Variants in FAF1 observed in about 807,000 individuals in gnomAD.
The protein encoded by FAF1 is Fas associated factor 1.
In FAF1, 25 loss-of-function variants were observed where a neutral mutation model predicts 92.5. That is an observed-to-expected ratio of 0.27 (90% CI 0.20 to 0.38). FAF1 has a LOEUF of 0.38. FAF1 is among the 10% of genes least tolerant of loss of function. FAF1 has a pLI of 1.00. For missense variants in FAF1, 636 were observed against 793.3 expected (o/e 0.80, Z 2.38); for synonymous variants, 234 against 273.2 (o/e 0.86, Z 1.42).
Position 50,788,089 on chromosome 1 carries a change from A to C in FAF1, c.278T>G (p.Ile93Ser). 6.2e-7 allele frequency: 1 copy of C among 1,614,148 alleles called. No individual in the cohort carries two copies. The highest frequency in any genetic ancestry group is 1.7e-5 in the Admixed American group (1 of 60,014). ...AFRPVMPSRQ[I>S]VERQPRMLDF... ...CAGCATCCGAGGTTGCCTTTCTACA[A>C]TCTGCCTGGATGGCATTACAGGTCG... Residue 93 changes from isoleucine to serine, a missense_variant, in exon 4 of 19, where the codon ATT becomes AGT. By Grantham distance (142) the Ile-to-Ser change is moderately radical. This residue lies in a region of FAF1 where 317 missense variants were observed against 342.4 expected (regional missense o/e 0.93). Coordinates refer to ENST00000396153, the MANE Select transcript of FAF1 (RefSeq NM_007051.3).
At position 50,595,881 on chromosome 1, in the gene FAF1, A is replaced by T. The variant is rs1220839734; in HGVS notation, c.840+240T>A. On this transcript the variant is annotated intron_variant, in intron 9 of 18. Coordinates refer to ENST00000396153, the MANE Select transcript of FAF1 (RefSeq NM_007051.3). ...GTTAGCCTGATGGTTCTAAGTAAAA[A>T]TCATTTCAACCAATCCATCTGAATT... Among the ~76,000 whole-genome samples the T allele has an allele frequency of 2.6e-5, 4 of 152,272 alleles. No individual in the cohort carries two copies. The East Asian group carries it at 7.7e-4, about 29-fold the overall frequency.
chr1:50,945,552 T>C (rs187458588), intron 1 of FAF1, among the ~76,000 whole-genome samples: 8 of 152,344 alleles, frequency 5.3e-5, no homozygotes, highest in African/African-American at 1.7e-4. Context: ...ATATCCAATA[T>C]AATGAATATG....
At chr1:50,602,818 G>A (rs1652207684) in intron 8 of FAF1, among the ~76,000 whole-genome samples, 1 of 151,954 alleles carries the variant, frequency 6.6e-6, no homozygotes, top group Non-Finnish European at 1.5e-5. Flanking sequence ...ATTGCTTTTT[G>A]ACATATATAT....
At chr1:50,482,000 T>G (rs549025140) in intron 17 of FAF1, among the ~76,000 whole-genome samples, 106 of 152,300 alleles carry the variant, frequency 7.0e-4, no homozygotes, top group South Asian at 1.2e-3. Context: ...ATTTTCCTAT[T>G]TTAAAATTAA....
intron 7 of FAF1, among the ~76,000 whole-genome samples, chr1:50,677,895 CAAAAAAA>C (rs1036524797): frequency 4.8e-5 from 3 of 62,546 alleles, no homozygotes; most frequent in Non-Finnish European, 9.6e-5. Context: ...AACTCTGCCT[CAAAAAAA>C]AAAAAAAAAA....
chr1:50,567,767 T>C (rs764675172), intron 12 of FAF1, among the ~76,000 whole-genome samples: 1 of 152,094 alleles, frequency 6.6e-6, no homozygotes, highest in Non-Finnish European at 1.5e-5. Flanking sequence ...GTCCTTAATG[T>C]ATTCTCATAT....
At chr1:50,910,744 G>A (rs1644878927) in intron 1 of FAF1, among the ~76,000 whole-genome samples, 1 of 151,924 alleles carries the variant, frequency 6.6e-6, no homozygotes, top group African/African-American at 2.4e-5. Context: ...CGCAGTATTA[G>A]GGTGGGAGTG....
chr1:50,473,563 A>G (rs966235966), intron 18 of FAF1, among the ~76,000 whole-genome samples: 5 of 152,210 alleles, frequency 3.3e-5, no homozygotes, highest in Admixed American at 3.3e-4. Flanking sequence ...TTAAATGTTC[A>G]CACACTGAGA....
intron 1 of FAF1, among the ~76,000 whole-genome samples, chr1:50,858,999 C>T (rs896486159): frequency 1.3e-5 from 2 of 151,752 alleles, no homozygotes; most frequent in African/African-American, 2.4e-5. Context: ...TGATTCACCA[C>T]ACAAACAGAA....
chr1:50,574,011 C>T (rs563279669), intron 12 of FAF1, among the ~76,000 whole-genome samples: 25 of 152,188 alleles, frequency 1.6e-4, no homozygotes, highest in African/African-American at 6.0e-4. Context: ...CGCCTGTAAT[C>T]CCAGCTACTT....
intron 7 of FAF1, among the ~76,000 whole-genome samples, chr1:50,675,639 C>T (rs1046312421): frequency 6.6e-6 from 1 of 152,148 alleles, no homozygotes; most frequent in African/African-American, 2.4e-5. Flanking sequence ...AACCAGTGCA[C>T]ATTTAAAACA....
rs1470940313 is a variant in FAF1, at chr1:50,441,187, G to A, written c.*253C>T. 1 of 392,722 alleles carries A rather than the reference G, an allele frequency of 2.5e-6. No individual in the cohort carries two copies. The allele number at this position is 392,722 out of a possible 1,614,324, so 24.3% of individuals were successfully genotyped here. A position where few individuals can be genotyped will look rare whatever the true frequency, so the allele number is the denominator to read the frequency against. ...GAACAATGCATTCGTCATTGAAGGAGGGTGAAGTGCAGGGGGTAGGGGAGG... is the reference window on the plus strand; with the variant it reads ...GAACAATGCATTCGTCATTGAAGGAAGGTGAAGTGCAGGGGGTAGGGGAGG... On this transcript the variant is annotated 3_prime_UTR_variant, in exon 19 of 19. Coordinates refer to ENST00000396153, the MANE Select transcript of FAF1 (RefSeq NM_007051.3).
At chr1:50,798,476 A>T (rs867185332) in intron 3 of FAF1, among the ~76,000 whole-genome samples, 1 of 152,236 alleles carries the variant, frequency 6.6e-6, no homozygotes, top group African/African-American at 2.4e-5. Context: ...ATCTCCAAAA[A>T]CAATTTTTAA....
intron 15 of FAF1, among the ~76,000 whole-genome samples, chr1:50,502,144 C>A (rs145595373): frequency 6.6e-6 from 1 of 152,226 alleles, no homozygotes; most frequent in East Asian, 1.9e-4. Flanking sequence ...GCTTTCACAT[C>A]AACTTTAAGC....
At chr1:50,546,501 G>T (rs1412801988) in intron 13 of FAF1, among the ~76,000 whole-genome samples, 1 of 152,094 alleles carries the variant, frequency 6.6e-6, no homozygotes, top group Non-Finnish European at 1.5e-5. Context: ...GAGTAGCTGG[G>T]ATTACAGGCA....
chr1:50,801,751 A>T (rs771242386), intron 2 of FAF1, 74 bp from the exon 3 acceptor site: 2 of 832,688 alleles, frequency 2.4e-6, no homozygotes, highest in Non-Finnish European at 4.1e-6. Context: ...ACACTTTAAA[A>T]GGAAATAAGT....
chr1:50,448,875 TCA>T (rs1646259482), intron 18 of FAF1, among the ~76,000 whole-genome samples: 1 of 151,486 alleles, frequency 6.6e-6, no homozygotes. Context: ...CCCAAAAACC[TCA>T]GAGCACTAAG....
At chr1:50,447,596 C>G (rs1433372779) in intron 18 of FAF1, among the ~76,000 whole-genome samples, 2 of 152,132 alleles carry the variant, frequency 1.3e-5, no homozygotes, top group Admixed American at 6.5e-5. Context: ...TTGAAGGGAC[C>G]CTGAATAGCC....
At chr1:50,539,850 T>C (rs1648677986) in intron 13 of FAF1, 122 bp from the exon 14 acceptor site, 1 of 662,140 alleles carries the variant, frequency 1.5e-6, no homozygotes. Flanking sequence ...CTGATATCAA[T>C]ATGTAAAATC....
Sources: allele counts gnomAD v4.1 joint callset (sites outside exome capture counted in the v4.1 genomes callset), GRCh38; gene constraint gnomAD v4.1.1; regional missense constraint gnomAD v4.1.1; transcripts MANE v1.5; gene names NCBI Gene and HGNC (gene_info 2026-07-23, HGNC 2026-07-21).